The following HIBCH variants were observed in gnomAD, a reference collection of about 807,000 sequenced individuals.
The protein encoded by HIBCH is 3-hydroxyisobutyryl-CoA hydrolase, mitochondrial.
Under a neutral mutation model 58.2 loss-of-function variants are expected in HIBCH, and 50 were observed. The observed-to-expected ratio is 0.86, with a 90% CI of 0.68 to 1.09. HIBCH has a LOEUF of 1.09. Ranked by LOEUF, HIBCH falls within the 50% of genes least tolerant of loss-of-function variation. The pLI is 0.00. For synonymous variants in HIBCH, 151 were observed against 146.9 expected (o/e 1.03, Z -0.20); for missense variants, 450 against 449.7 (o/e 1.00, Z -0.01).
chr2:190,245,109 G>T, intron 10 of HIBCH, 141 bp from the exon 11 acceptor site: 2 of 678,042 alleles, frequency 2.9e-6, no homozygotes, highest in Non-Finnish European at 5.4e-6. Flanking sequence ...GACGTGAAAA[G>T]AAAGAGAGCA....
At chr2:190,317,381 T>C (rs1230158659) in intron 1 of HIBCH, among the ~76,000 whole-genome samples, 1 of 152,160 alleles carries the variant, frequency 6.6e-6, no homozygotes, top group East Asian at 1.9e-4. Context: ...TAAGGAACAG[T>C]AGGAAAACCA....
chr2:190,268,188 T>A (rs1317544059), intron 6 of HIBCH, among the ~76,000 whole-genome samples: 1 of 152,180 alleles, frequency 6.6e-6, no homozygotes, highest in Non-Finnish European at 1.5e-5. Flanking sequence ...AATAAAGGTT[T>A]TTGCCATAAA....
At chr2:190,308,066 T>C (rs1042653392) in intron 2 of HIBCH, among the ~76,000 whole-genome samples, 2 of 152,184 alleles carry the variant, frequency 1.3e-5, no homozygotes, top group Non-Finnish European at 2.9e-5. Context: ...CACAGAAGAA[T>C]TGCTTGGGAT....
chr2:190,194,293 A>G (rs1162839112), intron 1 of HIBCH, among the ~76,000 whole-genome samples: 1 of 152,068 alleles, frequency 6.6e-6, no homozygotes, highest in African/African-American at 2.4e-5. Flanking sequence ...TTTTTCTTTG[A>G]CTATTCTAGT....
chr2:190,312,806 C>G (rs1443726551), intron 1 of HIBCH, among the ~76,000 whole-genome samples: 2 of 152,198 alleles, frequency 1.3e-5, no homozygotes, highest in Non-Finnish European at 2.9e-5. Context: ...ATTAGAATCA[C>G]CTGGAGACTC....
intron 6 of HIBCH, among the ~76,000 whole-genome samples, chr2:190,263,012 C>G (rs1313859094): frequency 6.6e-6 from 1 of 152,062 alleles, no homozygotes; most frequent in Non-Finnish European, 1.5e-5. Context: ...GGTATAAAAC[C>G]CTAATGGCAG....
In HIBCH at chr2:190,265,387, T is replaced by C. The variant is rs571714785; in HGVS notation, c.439-4153A>G. ...AGCTTTTTCAGGTTTATTAGCTATC[T>C]GGGTATCCTCTTTGTGAAATGTCTG... On this transcript the variant is annotated intron_variant, in intron 6 of 13. Transcript: ENST00000359678. Among the ~76,000 whole-genome samples, 7 of 152,204 alleles carry C rather than the reference T, an allele frequency of 4.6e-5. No homozygotes were observed. The South Asian group carries it at 1.0e-3, about 23-fold the overall frequency.
intron 6 of HIBCH, among the ~76,000 whole-genome samples, chr2:190,274,642 A>C (rs1687498398): frequency 6.6e-6 from 1 of 152,240 alleles, no homozygotes; most frequent in South Asian, 2.1e-4. Context: ...AGAGAAAAAC[A>C]GTTTATTAAC....
intron 6 of HIBCH, among the ~76,000 whole-genome samples, chr2:190,284,884 A>C (rs1490547801): frequency 6.6e-6 from 1 of 152,010 alleles, no homozygotes; most frequent in Non-Finnish European, 1.5e-5. Flanking sequence ...ATTTGTTTTT[A>C]CTTAAAGTCT....
intron 6 of HIBCH, among the ~76,000 whole-genome samples, chr2:190,285,768 G>GTGA (rs1436083531): frequency 6.6e-6 from 1 of 152,050 alleles, no homozygotes; most frequent in Admixed American, 6.6e-5. Context: ...GGAGGCCACT[G>GTGA]TGACCTCCCC....
chr2:190,218,512 G>A (rs979001233), intron 11 of HIBCH, among the ~76,000 whole-genome samples: 24 of 152,168 alleles, frequency 1.6e-4, no homozygotes, highest in African/African-American at 5.5e-4. Flanking sequence ...AGAATTACTA[G>A]AACTCCTGGT....
intron 11 of HIBCH, among the ~76,000 whole-genome samples, chr2:190,233,896 G>T (rs751752438): frequency 2.6e-5 from 4 of 152,192 alleles, no homozygotes; most frequent in African/African-American, 9.7e-5. Flanking sequence ...GGTGGGTCAC[G>T]CCTGTAATCC....
intron 11 of HIBCH, among the ~76,000 whole-genome samples, chr2:190,228,673 A>G (rs984660288): frequency 2.6e-5 from 4 of 152,156 alleles, no homozygotes; most frequent in African/African-American, 9.7e-5. Context: ...AACCTAGTGA[A>G]CACATTTCTA....
chr2:190,314,307 ATG>A (rs1491099156), intron 1 of HIBCH, among the ~76,000 whole-genome samples: 37 of 11,534 alleles, frequency 3.2e-3, no homozygotes, highest in Admixed American at 0.013. Context: ...ATACATATAT[ATG>A]TGTATATATA....
chr2:190,253,008 G>C (rs1323713002), intron 7 of HIBCH, among the ~76,000 whole-genome samples: 3 of 152,116 alleles, frequency 2.0e-5, no homozygotes, highest in Non-Finnish European at 4.4e-5. Context: ...GGCCAACACA[G>C]TGAAACCCCG....
At position 190,246,175 on chromosome 2, in the gene HIBCH, T is replaced by A; in HGVS notation, c.788A>T (p.Glu263Val). 6.3e-7 allele frequency: 1 copy of A among 1,593,234 alleles called. No individual in the cohort carries two copies. The highest frequency in any genetic ancestry group is 8.6e-7 in the Non-Finnish European group (1 of 1,161,920). ...GTACCTGTTTATTTTGTCCATGTGTTCCTCAAGTATAAAAGACTTGTCTCG... is the reference window on the plus strand; with the variant it reads ...GTACCTGTTTATTTTGTCCATGTGTACCTCAAGTATAAAAGACTTGTCTCG... ...IDRDKSFILEEHMDKINSCFS... is the reference protein window; with the variant it reads ...IDRDKSFILEVHMDKINSCFS... Residue 263 changes from glutamate to valine, a missense_variant, in exon 10 of 14, where the codon GAA becomes GTA. Transcript: ENST00000359678.
chr2:190,193,102 C>T (rs902795444), intron 1 of HIBCH, among the ~76,000 whole-genome samples: 1 of 152,026 alleles, frequency 6.6e-6, no homozygotes, highest in Admixed American at 6.5e-5. Flanking sequence ...AAAGTGTTGT[C>T]TTTCACCACT....
intron 7 of HIBCH, chr2:190,260,414 A>T (rs548873265): frequency 6.6e-6 from 1 of 152,338 alleles, no homozygotes; most frequent in Non-Finnish European, 1.5e-5. Flanking sequence ...ATGAAGAATT[A>T]TATCTTGCCC....
At chr2:190,287,688 C>A (rs567932856) in intron 5 of HIBCH, 50 bp from the exon 6 acceptor site, 1 of 1,369,894 alleles carries the variant, frequency 7.3e-7, no homozygotes, top group East Asian at 2.3e-5. Context: ...AAATACATTC[C>A]CTTTTTCTTA....
Sources: allele counts gnomAD v4.1 joint callset (sites outside exome capture counted in the v4.1 genomes callset), GRCh38; gene constraint gnomAD v4.1.1; transcripts MANE v1.5; gene names NCBI Gene and HGNC (gene_info 2026-07-23, HGNC 2026-07-21).